Variants in CCNY observed in about 807,000 individuals in gnomAD.
CCNY encodes the protein cyclin-Y.
A neutral mutation model predicts 42.8 loss-of-function variants in CCNY; 19 were observed. That is an observed-to-expected ratio of 0.44 (90% confidence interval 0.31 to 0.65). The LOEUF (loss-of-function observed/expected upper bound fraction) is 0.65, where lower values mean the gene tolerates loss of function less well. Among genes scored for constraint, CCNY ranks in the 30% least tolerant of loss-of-function variants. The probability of loss-of-function intolerance (pLI) is 0.07; values close to 1 mark genes in which losing one functional copy is unlikely to be tolerated. For missense variants in CCNY, 370 were observed against 437.3 expected (o/e 0.85, Z 1.37); for synonymous variants, 165 against 162.7 (o/e 1.01, Z -0.11).
At chr10:35,383,236 G>A (rs1343110533) in intron 1 of CCNY, among the ~76,000 whole-genome samples, 1 of 152,146 alleles carries the variant, frequency 6.6e-6, no homozygotes, top group Non-Finnish European at 1.5e-5. Context: ...GAATAATGAC[G>A]TTGAATCAAT....
intron 1 of CCNY, among the ~76,000 whole-genome samples, chr10:35,378,719 C>T (rs1055970941): frequency 5.9e-5 from 9 of 151,952 alleles, no homozygotes; most frequent in East Asian, 1.9e-4. Flanking sequence ...CATCCTGCCC[C>T]GTTCGATCCT....
intron 8 of CCNY, among the ~76,000 whole-genome samples, chr10:35,560,034 C>G (rs1841436171): frequency 6.6e-6 from 1 of 152,196 alleles, no homozygotes; most frequent in African/African-American, 2.4e-5. Flanking sequence ...CTATGTCTGT[C>G]CTATGCCTGT....
chr10:35,521,784 C>T (rs574434840), intron 4 of CCNY, among the ~76,000 whole-genome samples: 13 of 152,254 alleles, frequency 8.5e-5, no homozygotes, highest in Middle Eastern at 3.4e-3. Context: ...CCAGCATGCA[C>T]GGTAAGCCCC....
intron 1 of CCNY, among the ~76,000 whole-genome samples, chr10:35,344,175 C>T (rs1028819901): frequency 6.6e-6 from 1 of 152,150 alleles, no homozygotes. Flanking sequence ...GCCTGTCTTT[C>T]CTGAAGAAAG....
In CCNY at chr10:35,314,111, C is replaced by T. The variant is rs979364458; in HGVS notation, c.-9+63485C>T. On this transcript the variant is annotated intron_variant, in intron 3 of 11. Coordinates refer to the CCNY transcript ENST00000374706. The stretch of plus-strand genomic sequence containing the variant: ...GATAAACAGAAAAAGAAAATAAAAA[C>T]GAGCTGTAATCCCAATCTCATATTT... Among the ~76,000 whole-genome samples, 5 of 149,966 alleles carry T rather than the reference C, an allele frequency of 3.3e-5. No homozygotes were observed. In the East Asian group the frequency reaches 7.9e-4, roughly 24 times the overall value.
chr10:35,445,391 G>A (rs995572714), intron 1 of CCNY, among the ~76,000 whole-genome samples: 1 of 152,190 alleles, frequency 6.6e-6, no homozygotes, highest in Non-Finnish European at 1.5e-5. Flanking sequence ...GCACTGGAAG[G>A]CTGACAGGAA....
intron 1 of CCNY, among the ~76,000 whole-genome samples, chr10:35,398,720 A>G (rs1837579302): frequency 6.6e-6 from 1 of 152,250 alleles, no homozygotes; most frequent in Non-Finnish European, 1.5e-5. Context: ...AAAACAAAAC[A>G]AAAAACCGTA....
intron 1 of CCNY, among the ~76,000 whole-genome samples, chr10:35,430,577 A>G (rs976647597): frequency 1.3e-5 from 2 of 152,196 alleles, no homozygotes; most frequent in African/African-American, 4.8e-5. Flanking sequence ...TAGATTAACC[A>G]CATAATAACA....
At chr10:35,330,331 C>A (rs1207106394) in intron 3 of CCNY, among the ~76,000 whole-genome samples, 4 of 152,168 alleles carry the variant, frequency 2.6e-5, no homozygotes, top group Admixed American at 2.6e-4. Context: ...TTGGGTGAAT[C>A]ATTTCTTTTT....
intron 3 of CCNY, among the ~76,000 whole-genome samples, chr10:35,304,332 C>T (rs1300880298): frequency 1.9e-5 from 2 of 105,058 alleles, no homozygotes; most frequent in Non-Finnish European, 3.6e-5. Context: ...TTTTTTGAGA[C>T]GGAGTCTCGC....
intron 1 of CCNY, among the ~76,000 whole-genome samples, chr10:35,380,389 C>A (rs929343219): frequency 6.6e-6 from 1 of 152,154 alleles, no homozygotes; most frequent in Non-Finnish European, 1.5e-5. Context: ...CCTATCCTTC[C>A]AGTGTGGAAT....
chr10:35,312,366 G>T, intron 3 of CCNY, among the ~76,000 whole-genome samples: 1 of 125,132 alleles, frequency 8.0e-6, no homozygotes. Context: ...GGGCAACAGA[G>T]TGAGACTCTG....
intron 1 of CCNY, among the ~76,000 whole-genome samples, chr10:35,402,119 C>T (rs559733849): frequency 6.6e-5 from 10 of 152,150 alleles, no homozygotes; most frequent in African/African-American, 1.9e-4. Context: ...GGCGATGTTT[C>T]TCAGGGCTGC....
intron 3 of CCNY, among the ~76,000 whole-genome samples, chr10:35,263,217 C>T (rs866191603): frequency 6.6e-5 from 10 of 151,696 alleles, no homozygotes; most frequent in African/African-American, 2.4e-4. Context: ...ATTAGCCAGG[C>T]GTGGTGGCGG....
At chr10:35,485,769 CT>C (rs1839775737) in intron 2 of CCNY, among the ~76,000 whole-genome samples, 1 of 150,278 alleles carries the variant, frequency 6.7e-6, no homozygotes, top group Non-Finnish European at 1.5e-5. Flanking sequence ...GATTTGGTAA[CT>C]TTAATGAATT....
Position 35,516,550 on chromosome 10 carries a change from T to C in CCNY, c.292T>C (p.Tyr98His). The change falls in exon 4 of 10, where the codon TAC becomes CAC. Residue 98 changes from tyrosine to histidine, a missense_variant. By Grantham distance (83) the Tyr-to-His change is moderately conservative. Coordinates refer to ENST00000374704, the MANE Select transcript of CCNY (RefSeq NM_145012.6). ...TCCTCCAGGACAAATAGCAAGGAAATACAGTTCCTGCTCCACCATTTTCCT... is the reference window on the plus strand; with the variant it reads ...TCCTCCAGGACAAATAGCAAGGAAACACAGTTCCTGCTCCACCATTTTCCT... ...HHPPGQIARKYSSCSTIFLDD... is the reference protein window; with the variant it reads ...HHPPGQIARKHSSCSTIFLDD... 6.2e-7 allele frequency: 1 copy of C among 1,613,396 alleles called. No homozygotes were observed. Among genetic ancestry groups the C allele is most frequent in the Non-Finnish European group, 8.5e-7 (1 of 1,179,744 alleles).
intron 3 of CCNY, among the ~76,000 whole-genome samples, chr10:35,307,723 CACAT>C (rs1283053957): frequency 6.7e-6 from 1 of 149,176 alleles, no homozygotes; most frequent in African/African-American, 2.5e-5. Context: ...TATACACACA[CACAT>C]ATATGTATAT....
chr10:35,348,908 C>A (rs1483390955), intron 1 of CCNY, among the ~76,000 whole-genome samples: 3 of 150,426 alleles, frequency 2.0e-5, no homozygotes, highest in Non-Finnish European at 4.4e-5. Context: ...TGAAAATGAA[C>A]CTTACTCTTG....
At chr10:35,424,103 C>T (rs565068385) in intron 1 of CCNY, among the ~76,000 whole-genome samples, 1 of 152,076 alleles carries the variant, frequency 6.6e-6, no homozygotes, top group East Asian at 1.9e-4. Flanking sequence ...TCTCATCTGT[C>T]AAGAGGGAGA....
Sources: gnomAD v4.1 joint callset for allele counts (sites outside exome capture counted in the v4.1 genomes callset) on GRCh38, gnomAD v4.1.1 for gene constraint, MANE v1.5 for transcripts, NCBI Gene and HGNC (gene_info 2026-07-23, HGNC 2026-07-21) for gene names.